Variants in MATN2 observed in about 807,000 individuals in gnomAD.
MATN2 encodes matrilin-2.
MATN2 carries 69 observed loss-of-function variants against 103.2 expected under a neutral mutation model. The ratio of observed to expected loss-of-function variants is 0.67; its 90% CI spans 0.55 to 0.82. The LOEUF is 0.82. Ranked by LOEUF, MATN2 falls within the 40% of genes least tolerant of loss-of-function variation. The probability of loss-of-function intolerance (pLI) is 0.00; values close to 1 mark genes in which losing one functional copy is unlikely to be tolerated. For missense variants in MATN2, 1,023 were observed against 1,211.5 expected, an observed-to-expected ratio of 0.84 and a Z score of 2.31; for synonymous variants, 429 against 450.2, an observed-to-expected ratio of 0.95 and a Z score of 0.60.
rs1819288474 is a variant in MATN2 at position 97,909,518 on chromosome 8, A to C, written c.142+21276A>C. 2.0e-5 allele frequency among the ~76,000 whole-genome samples: 3 copies of C among 152,164 alleles called. No individual in the cohort carries two copies. In the South Asian group the frequency reaches 6.2e-4, roughly 32 times the overall value. ...GAGTCGGGGGAAGGCCTCAGTGAGA[A>C]GGTGACTCTTCTTCACATACCTGAA... On this transcript the variant is annotated intron_variant, in intron 2 of 18. Coordinates refer to ENST00000254898, the MANE Select transcript of MATN2 (RefSeq NM_002380.5).
intron 4 of MATN2, among the ~76,000 whole-genome samples, chr8:97,944,397 C>A (rs1810677717): frequency 6.6e-6 from 1 of 152,216 alleles, no homozygotes; most frequent in Non-Finnish European, 1.5e-5. Flanking sequence ...CCAGACTTAG[C>A]TTAATAAATG....
chr8:98,000,457 T>C (rs773002203), intron 7 of MATN2, among the ~76,000 whole-genome samples: 24 of 150,990 alleles, frequency 1.6e-4, no homozygotes, highest in Non-Finnish European at 3.1e-4. Flanking sequence ...ATTAGCCGGG[T>C]GTGGTAGCGG....
At chr8:97,984,674 T>C (rs1302532818) in intron 6 of MATN2, among the ~76,000 whole-genome samples, 2 of 152,228 alleles carry the variant, frequency 1.3e-5, no homozygotes, top group Non-Finnish European at 2.9e-5. Context: ...TGTATGTATC[T>C]AAACTCTCAA....
At chr8:98,025,270 A>ACG (rs1000857115) in intron 13 of MATN2, 3 of 152,196 alleles carry the variant, frequency 2.0e-5, no homozygotes, top group African/African-American at 7.3e-5. Context: ...GTGCGCACTC[A>ACG]CGCACACACA....
chr8:97,902,446 G>A (rs930451394), intron 2 of MATN2, among the ~76,000 whole-genome samples: 8 of 148,222 alleles, frequency 5.4e-5, no homozygotes, highest in South Asian at 2.1e-4. Flanking sequence ...GCAGTGAGCC[G>A]AGATCGCACC....
At chr8:97,886,587 A>G (rs1475564046) in intron 1 of MATN2, among the ~76,000 whole-genome samples, 1 of 152,260 alleles carries the variant, frequency 6.6e-6, no homozygotes, top group East Asian at 1.9e-4. Context: ...AATGCATAGT[A>G]AAATTATATT....
At chr8:97,917,425 T>C (rs558630614) in intron 2 of MATN2, among the ~76,000 whole-genome samples, 2 of 152,336 alleles carry the variant, frequency 1.3e-5, no homozygotes, top group East Asian at 3.9e-4. Flanking sequence ...AAGGTTGACA[T>C]TCAGCCTGTA....
At chr8:97,894,323 CT>C (rs58988866) in intron 2 of MATN2, among the ~76,000 whole-genome samples, 46,819 of 59,216 alleles carry the variant, frequency 0.79, 18,954 homozygotes, top group Non-Finnish European at 0.86. Context: ...AAGAATTCAC[CT>C]TTTTTTTTTT....
intron 6 of MATN2, among the ~76,000 whole-genome samples, chr8:97,987,439 A>G (rs1176034593): frequency 1.3e-5 from 2 of 152,160 alleles, no homozygotes; most frequent in African/African-American, 4.8e-5. Flanking sequence ...TAGAACTTAA[A>G]ATAAAAGTTG....
chr8:98,027,729 C>A lies in MATN2; in HGVS notation c.2256C>A (p.Ala752=). ...GAAGTTTTACCCAAGGAGAAGGGGC[C>A]AGGCCCCTTTCCACAAGGGTGCCCA... ...FERSFTQGEG[A]RPLSTRVPRA... is the part of the protein sequence containing the mutation. The change falls in exon 14 of 19, where the codon GCC becomes GCA. Residue 752 remains alanine, a synonymous_variant. Transcript: ENST00000254898. 3.7e-6 allele frequency: 6 copies of A among 1,613,914 alleles called. No homozygotes were observed. Among genetic ancestry groups the A allele is most frequent in the Non-Finnish European group, 5.1e-6 (6 of 1,179,854 alleles).
intron 13 of MATN2, among the ~76,000 whole-genome samples, chr8:98,024,055 G>A (rs1300120125): frequency 6.6e-6 from 1 of 152,118 alleles, no homozygotes; most frequent in Non-Finnish European, 1.5e-5. Context: ...AGTCGGGAGT[G>A]AGAACATCAA....
At chr8:98,016,805 A>C in intron 11 of MATN2, 143 bp downstream of exon 11, 1 of 927,490 alleles carries the variant, frequency 1.1e-6, no homozygotes, top group South Asian at 1.6e-5. Context: ...TAGGACCCTG[A>C]AAGAGAAAAT....
At chr8:97,998,345 C>A (rs1407344207) in intron 7 of MATN2, among the ~76,000 whole-genome samples, 1 of 149,658 alleles carries the variant, frequency 6.7e-6, no homozygotes, top group Non-Finnish European at 1.5e-5. Flanking sequence ...ACGGTGAAAC[C>A]CCGTCTCTAC....
intron 5 of MATN2, among the ~76,000 whole-genome samples, chr8:97,971,374 A>AT (rs558570419): frequency 5.3e-5 from 8 of 152,210 alleles, no homozygotes; most frequent in African/African-American, 1.7e-4. Flanking sequence ...TGGACTCAGC[A>AT]TTTTTTTATA....
intron 5 of MATN2, among the ~76,000 whole-genome samples, chr8:97,976,128 CTT>C (rs34975103): frequency 1.4e-5 from 2 of 146,686 alleles, no homozygotes; most frequent in Non-Finnish European, 1.5e-5. Flanking sequence ...TAGACTGAAA[CTT>C]TTTTTTTTTT....
chr8:97,995,166 G>A (rs1812540485), intron 7 of MATN2, among the ~76,000 whole-genome samples: 1 of 152,202 alleles, frequency 6.6e-6, no homozygotes, highest in South Asian at 2.1e-4. Context: ...TTGGGGATCT[G>A]AGCACAGGCC....
At chr8:97,898,346 A>G (rs1038293321) in intron 2 of MATN2, among the ~76,000 whole-genome samples, 8 of 152,196 alleles carry the variant, frequency 5.3e-5, no homozygotes, top group African/African-American at 1.4e-4. Context: ...CTGTAATCCC[A>G]GCACTTGGGG....
At chr8:97,924,393 G>A (rs1385378227) in intron 2 of MATN2, among the ~76,000 whole-genome samples, 1 of 152,012 alleles carries the variant, frequency 6.6e-6, no homozygotes, top group Non-Finnish European at 1.5e-5. Context: ...ATTTTTCATG[G>A]TTCTCTTGTT....
intron 3 of MATN2, among the ~76,000 whole-genome samples, chr8:97,940,966 C>T (rs1003965396): frequency 6.6e-6 from 1 of 151,668 alleles, no homozygotes; most frequent in African/African-American, 2.4e-5. Flanking sequence ...TGAGACCAGC[C>T]TGGGCAACAT....
Sources: allele counts gnomAD v4.1 joint callset (sites outside exome capture counted in the v4.1 genomes callset), GRCh38; gene constraint gnomAD v4.1.1; transcripts MANE v1.5; gene names NCBI Gene and HGNC (gene_info 2026-07-23, HGNC 2026-07-21).